The following LRMDA variants were observed in gnomAD, a reference collection of about 807,000 sequenced individuals.
The protein encoded by LRMDA is leucine-rich melanocyte differentiation-associated protein.
In LRMDA, 18 loss-of-function variants were observed where a neutral mutation model predicts 29.8. The observed-to-expected ratio is 0.60, with a 90% CI of 0.42 to 0.90. The LOEUF is 0.90. Ranked by LOEUF, LRMDA falls within the 40% of genes least tolerant of loss-of-function variation. The pLI, the probability that LRMDA is intolerant of heterozygous loss-of-function variation, is 0.00. For synonymous variants in LRMDA, 125 were observed against 109.4 expected (o/e 1.14, Z -0.89); for missense variants, 273 against 273.9 (o/e 1.00, Z 0.02).
At chr10:75,722,129 G>A (rs932405000) in intron 2 of LRMDA, among the ~76,000 whole-genome samples, 2 of 152,034 alleles carry the variant, frequency 1.3e-5, no homozygotes, top group Non-Finnish European at 2.9e-5. Flanking sequence ...TGAACTCCTC[G>A]TAACAAATGG....
At chr10:75,914,391 G>A (rs1174239290) in intron 2 of LRMDA, among the ~76,000 whole-genome samples, 2 of 152,234 alleles carry the variant, frequency 1.3e-5, no homozygotes, top group South Asian at 2.1e-4. Flanking sequence ...AAACAGAGAT[G>A]CAGCCTTTTC....
At chr10:76,553,880 A>G (rs1843524068) in intron 6 of LRMDA, among the ~76,000 whole-genome samples, 1 of 151,918 alleles carries the variant, frequency 6.6e-6, no homozygotes, top group Non-Finnish European at 1.5e-5. Context: ...CTCATTTTCA[A>G]CTGCCAGGCC....
chr10:75,785,243 T>C (rs918923512), intron 2 of LRMDA, among the ~76,000 whole-genome samples: 3 of 152,220 alleles, frequency 2.0e-5, no homozygotes, highest in East Asian at 1.9e-4. Flanking sequence ...ATTTATGCTA[T>C]TTTGAACTTT....
intron 2 of LRMDA, among the ~76,000 whole-genome samples, chr10:75,529,891 A>G (rs982992929): frequency 2.0e-5 from 3 of 152,188 alleles, no homozygotes; most frequent in Non-Finnish European, 4.4e-5. Flanking sequence ...TGGCACAGGA[A>G]GAGTGAACCA....
intron 2 of LRMDA, among the ~76,000 whole-genome samples, chr10:75,784,693 C>T (rs1843442770): frequency 1.4e-5 from 2 of 147,296 alleles, no homozygotes; most frequent in African/African-American, 2.5e-5. Context: ...CAGAGCGAGA[C>T]TCCATCTCAG....
At chr10:76,379,160 T>TG (rs1275145786) in intron 6 of LRMDA, among the ~76,000 whole-genome samples, 23 of 141,594 alleles carry the variant, frequency 1.6e-4, no homozygotes, top group African/African-American at 4.8e-4. Context: ...CCTGGCCTTC[T>TG]TTGTGTGTGT....
At chr10:76,282,806 C>G (rs893818969) in intron 5 of LRMDA, among the ~76,000 whole-genome samples, 1 of 152,166 alleles carries the variant, frequency 6.6e-6, no homozygotes, top group South Asian at 2.1e-4. Context: ...CAATGATGTT[C>G]TTCGTGTCTT....
At chr10:76,380,641 C>A (rs1300908443) in intron 6 of LRMDA, among the ~76,000 whole-genome samples, 1 of 146,876 alleles carries the variant, frequency 6.8e-6, no homozygotes, top group Non-Finnish European at 1.5e-5. Flanking sequence ...TGCACTCCAG[C>A]CTGGGCGACA....
At chr10:75,689,891 G>A (rs527735554) in intron 2 of LRMDA, among the ~76,000 whole-genome samples, 5 of 152,324 alleles carry the variant, frequency 3.3e-5, no homozygotes, top group South Asian at 4.1e-4. Flanking sequence ...TTCCCCACAT[G>A]CATGTGTGAT....
chr10:76,321,013 TC>T (rs1243689609), intron 5 of LRMDA, among the ~76,000 whole-genome samples: 1 of 152,194 alleles, frequency 6.6e-6, no homozygotes. Context: ...GATATAGAAA[TC>T]AGGTTTTTTT....
At chr10:75,483,297 T>G (rs754551604) in intron 2 of LRMDA, among the ~76,000 whole-genome samples, 29 of 152,186 alleles carry the variant, frequency 1.9e-4, no homozygotes, top group Non-Finnish European at 3.1e-4. Context: ...ATTTTCCCCA[T>G]GAACAAATAG....
At chr10:76,389,038 G>C (rs766279882) in intron 6 of LRMDA, among the ~76,000 whole-genome samples, 1 of 152,162 alleles carries the variant, frequency 6.6e-6, no homozygotes, top group Admixed American at 6.5e-5. Flanking sequence ...GCAGGGAGTA[G>C]ATAAAGGAAG....
At chr10:76,484,456 A>G (rs988575008) in intron 6 of LRMDA, among the ~76,000 whole-genome samples, 2 of 151,872 alleles carry the variant, frequency 1.3e-5, no homozygotes, top group Admixed American at 6.6e-5. Flanking sequence ...ATGGCTTTCT[A>G]TTGATTTGGT....
intron 5 of LRMDA, among the ~76,000 whole-genome samples, chr10:76,268,777 T>C (rs1430975025): frequency 2.0e-5 from 3 of 152,184 alleles, no homozygotes; most frequent in Admixed American, 1.3e-4. Flanking sequence ...AATCTCTGAC[T>C]TTGTGGGATA....
intron 4 of LRMDA, among the ~76,000 whole-genome samples, chr10:76,049,158 A>G (rs1027999099): frequency 6.6e-5 from 10 of 152,178 alleles, no homozygotes; most frequent in Non-Finnish European, 1.3e-4. Context: ...AGTGTGGTCT[A>G]TCTCATGGGC....
chr10:75,445,263 C>T (rs1441817042), intron 2 of LRMDA, among the ~76,000 whole-genome samples: 2 of 152,074 alleles, frequency 1.3e-5, no homozygotes, highest in African/African-American at 2.4e-5. Flanking sequence ...TTAAAGGTTT[C>T]TCAAGTCTTT....
At chr10:76,180,703 C>T (rs1008040681) in intron 5 of LRMDA, among the ~76,000 whole-genome samples, 1 of 152,186 alleles carries the variant, frequency 6.6e-6, no homozygotes, top group Non-Finnish European at 1.5e-5. Context: ...GTCCCCTTTA[C>T]CCCTGGTTCC....
intron 2 of LRMDA, among the ~76,000 whole-genome samples, chr10:75,989,589 A>T (rs1281976758): frequency 1.3e-5 from 2 of 152,222 alleles, no homozygotes; most frequent in Non-Finnish European, 2.9e-5. Flanking sequence ...ACAGATCCAA[A>T]CTGTATCAAT....
chr10:76,100,555 G>T (rs1432133696), intron 5 of LRMDA, among the ~76,000 whole-genome samples: 1 of 149,080 alleles, frequency 6.7e-6, no homozygotes, highest in African/African-American at 2.5e-5. Flanking sequence ...TTGCTTTATG[G>T]GTGGGTCTTG....
Sources: allele counts gnomAD v4.1 joint callset (sites outside exome capture counted in the v4.1 genomes callset), GRCh38; gene constraint gnomAD v4.1.1; transcripts MANE v1.5; gene names NCBI Gene and HGNC (gene_info 2026-07-23, HGNC 2026-07-21).